Variants in TGIF1 observed in about 807,000 individuals in gnomAD.
TGIF1 encodes the protein homeobox protein TGIF1.
A neutral mutation model predicts 19.3 loss-of-function variants in TGIF1; 4 were observed. That is an observed-to-expected ratio of 0.21 (90% confidence interval 0.10 to 0.47). The LOEUF is 0.47. Among genes scored for constraint, TGIF1 ranks in the 20% least tolerant of loss-of-function variants. The pLI is 0.98. For synonymous variants in TGIF1, 122 were observed against 129.3 expected (o/e 0.94, Z 0.38); for missense variants, 275 against 341.4 (o/e 0.81, Z 1.53).
chr18:3,445,723 C>CAAAAAAAAAAAAAAAA (rs141550400), upstream of TGIF1, among the ~76,000 whole-genome samples: 2 of 17,694 alleles, frequency 1.1e-4, no homozygotes, highest in African/African-American at 2.2e-4. Flanking sequence ...GACTCTGTCT[C>CAAAAAAAAAAAAAAAA]AAAAAAAAAA....
rs1192799385 is a variant in TGIF1, at chr18:3,457,347, G to A, written c.244-18G>A. On this transcript the variant is annotated intron_variant, in intron 2 of 2. Transcript: ENST00000343820. This position sits in a 1 kb window ranked among gnomAD's most constrained non-coding sequence, Gnocchi z 4.9. ...GAGTGAATGAGGAAAATGTTAAAGC[G>A]TACCGATATGATTTCAGGTCTGTAA... 1.4e-5 allele frequency: 23 copies of A among 1,613,578 alleles called. No individual in the cohort carries two copies. The highest frequency in any genetic ancestry group is 3.3e-4 in the Middle Eastern group (2 of 6,084).
At chr18:3,433,276 G>A (rs2082573901) in intron 2 of TGIF1, among the ~76,000 whole-genome samples, 1 of 151,624 alleles carries the variant, frequency 6.6e-6, no homozygotes, top group Non-Finnish European at 1.5e-5. Context: ...ATTTCCCCAT[G>A]TTGGCCAGGC....
intron 2 of TGIF1, among the ~76,000 whole-genome samples, chr18:3,441,526 T>G (rs2082677649): frequency 6.6e-6 from 1 of 152,174 alleles, no homozygotes; most frequent in Non-Finnish European, 1.5e-5. Flanking sequence ...TAGCAACACC[T>G]CCTCTCCAGC....
At chr18:3,415,313 A>T in intron 1 of TGIF1, 1 of 312,980 alleles carries the variant, frequency 3.2e-6, no homozygotes, top group Non-Finnish European at 6.8e-6. Flanking sequence ...GTGTCCACAC[A>T]CCTGGATGAG....
upstream of TGIF1, chr18:3,449,311 TATAAA>T (rs1568044635): frequency 1.2e-6 from 1 of 850,594 alleles, no homozygotes; most frequent in Non-Finnish European, 1.4e-6. Flanking sequence ...ACCCCTTAGC[TATAAA>T]AGTGGCCGCT....
chr18:3,449,589 G>T, upstream of TGIF1: 6 of 975,900 alleles, frequency 6.1e-6, no homozygotes, highest in Non-Finnish European at 6.0e-6. Context: ...TGGAGGAAGA[G>T]CCCCGGGAGG....
upstream of TGIF1, chr18:3,448,719 T>TA: frequency 6.3e-5 from 4 of 63,220 alleles, no homozygotes; most frequent in Non-Finnish European, 1.0e-4. Context: ...GGGGGTGTCT[T>TA]TTTTTTTTTT....
intron 2 of TGIF1, among the ~76,000 whole-genome samples, chr18:3,441,090 C>A (rs1280424983): frequency 6.6e-6 from 1 of 152,094 alleles, no homozygotes; most frequent in African/African-American, 2.4e-5. Flanking sequence ...ATCTGGATTC[C>A]TTTTTAGGTA....
chr18:3,450,164 CCT>C (rs1215314266), upstream of TGIF1: 20 of 1,277,138 alleles, frequency 1.6e-5, no homozygotes, highest in South Asian at 7.4e-5. Flanking sequence ...TCCCTCCTCG[CCT>C]CTCTCACTCT....
intron 2 of TGIF1, among the ~76,000 whole-genome samples, chr18:3,422,583 C>A (rs146237789): frequency 6.6e-6 from 1 of 151,616 alleles, no homozygotes. Flanking sequence ...TGTAGGCCTT[C>A]CCATTCACTC....
At chr18:3,422,296 TAAAAAA>T (rs34822467) in intron 2 of TGIF1, among the ~76,000 whole-genome samples, 2 of 80,432 alleles carry the variant, frequency 2.5e-5, no homozygotes, top group Non-Finnish European at 2.9e-5. Context: ...GTTTAAAAAG[TAAAAAA>T]AAAAAAAAAA....
intron 2 of TGIF1, among the ~76,000 whole-genome samples, chr18:3,436,564 A>T (rs1192789652): frequency 6.6e-6 from 1 of 152,230 alleles, no homozygotes; most frequent in East Asian, 1.9e-4. Context: ...CATGCCTGTA[A>T]TTCCAGCACT....
At chr18:3,454,433 G>T (rs1445892368) in intron 1 of TGIF1, among the ~76,000 whole-genome samples, 1 of 152,140 alleles carries the variant, frequency 6.6e-6, no homozygotes, top group African/African-American at 2.4e-5. Context: ...CTTTTCAGAC[G>T]TTGGAGAGTT....
intron 2 of TGIF1, among the ~76,000 whole-genome samples, chr18:3,430,671 A>AT (rs759165103): frequency 0.05 from 6,544 of 130,320 alleles, 352 homozygotes; most frequent in East Asian, 0.2. Flanking sequence ...CACCCGGCTA[A>AT]TTTTTTTTTT....
In TGIF1 at chr18:3,456,189, CTACT is replaced by C; in HGVS notation, c.17-163_17-160del. On this transcript the variant is annotated intron_variant, in intron 1 of 2. Coordinates refer to ENST00000343820, the MANE Select transcript of TGIF1 (RefSeq NM_003244.4). This position sits in a 1 kb window ranked among gnomAD's most constrained non-coding sequence, Gnocchi z 4.2. ...AGCCTCCTATGTGGTGCTAGTCAAA[CTACT>C]TTTACTTGGACCCTGAATTCAGGAC... 1 of 775,050 alleles carries C rather than the reference CTACT, an allele frequency of 1.3e-6. No individual in the cohort carries two copies. The allele number at this position is 775,050 out of a possible 1,614,324, so 48.0% of individuals were successfully genotyped here.
chr18:3,444,804 G>A (rs1272780427), intron 2 of TGIF1, among the ~76,000 whole-genome samples: 5 of 152,232 alleles, frequency 3.3e-5, no homozygotes, highest in South Asian at 2.1e-4. Flanking sequence ...ATTTGAGTGG[G>A]AGGTCAGAGG....
intron 2 of TGIF1, among the ~76,000 whole-genome samples, chr18:3,423,254 A>T (rs1009444347): frequency 2.0e-5 from 3 of 152,144 alleles, no homozygotes; most frequent in African/African-American, 7.2e-5. Flanking sequence ...TACTATTGAA[A>T]AAATAGGCAT....
upstream of TGIF1, chr18:3,447,713 C>G (rs1242390352): frequency 6.2e-7 from 1 of 1,613,994 alleles, no homozygotes; most frequent in Admixed American, 1.7e-5. Context: ...TTTGGAGTGC[C>G]TCGCCAGCTT....
intron 2 of TGIF1, among the ~76,000 whole-genome samples, chr18:3,432,211 A>T (rs2082558520): frequency 6.6e-6 from 1 of 152,066 alleles, no homozygotes. Context: ...GCACAGCCTC[A>T]ATCTAATCAT....
Sources: allele counts gnomAD v4.1 joint callset (sites outside exome capture counted in the v4.1 genomes callset), GRCh38; gene constraint gnomAD v4.1.1; non-coding constraint Gnocchi (gnomAD v3.1); transcripts MANE v1.5; gene names NCBI Gene and HGNC (gene_info 2026-07-23, HGNC 2026-07-21).